The following TRIM33 variants were observed in gnomAD, a reference collection of about 807,000 sequenced individuals.
TRIM33 encodes the protein E3 ubiquitin-protein ligase TRIM33.
Under a neutral mutation model 125.4 loss-of-function variants are expected in TRIM33, and 20 were observed. The ratio of observed to expected loss-of-function variants is 0.16; its 90% CI spans 0.11 to 0.23. The LOEUF (loss-of-function observed/expected upper bound fraction) is 0.23. Ranked by LOEUF, TRIM33 falls within the 10% of genes least tolerant of loss-of-function variation. The pLI is 1.00. For missense variants in TRIM33, 920 were observed against 1,411.4 expected, an observed-to-expected ratio of 0.65 and a Z score of 5.58; for synonymous variants, 564 against 513.9, an observed-to-expected ratio of 1.10 and a Z score of -1.32.
At position 114,421,475 on chromosome 1, in the gene TRIM33, T is replaced by G. The variant is rs1443411802; in HGVS notation, c.2022A>C (p.Pro674=). 6.2e-7 allele frequency: 1 copy of G among 1,614,070 alleles called. No homozygotes were observed. The highest frequency in any genetic ancestry group is 8.5e-7 in the Non-Finnish European group (1 of 1,180,044). Residue 674 remains proline, a synonymous_variant, in exon 11 of 20, where the codon CCA becomes CCC. Transcript: ENST00000358465. ...AIELIPSVTN[P]ENLPSLPDIP... is the part of the protein sequence containing the mutation. Reference sequence around the variant, plus strand: ...TATCTGGCAGCGATGGAAGGTTTTCTGGATTGGTAACTGAGGGGATTAGCT... The same window carrying G: ...TATCTGGCAGCGATGGAAGGTTTTCGGGATTGGTAACTGAGGGGATTAGCT...
intron 1 of TRIM33, among the ~76,000 whole-genome samples, chr1:114,476,048 A>G (rs1214585593): frequency 1.3e-5 from 2 of 152,158 alleles, no homozygotes; most frequent in Non-Finnish European, 2.9e-5. Flanking sequence ...TCATGAAAAC[A>G]TAGAAGTACA....
At chr1:114,410,864 T>C (rs982052184) in intron 11 of TRIM33, among the ~76,000 whole-genome samples, 7 of 152,172 alleles carry the variant, frequency 4.6e-5, no homozygotes, top group African/African-American at 1.7e-4. Flanking sequence ...CCCATAACTA[T>C]GATTCTGGGC....
intron 11 of TRIM33, among the ~76,000 whole-genome samples, chr1:114,420,948 A>G (rs141726292): frequency 4.1e-4 from 63 of 152,352 alleles, no homozygotes; most frequent in Admixed American, 8.5e-4. Context: ...CATTATCCAC[A>G]ATAGCCAAGA....
intron 1 of TRIM33, among the ~76,000 whole-genome samples, chr1:114,478,129 A>G (rs1008256925): frequency 1.4e-4 from 21 of 152,220 alleles, no homozygotes; most frequent in African/African-American, 4.8e-4. Context: ...CACTTATTCT[A>G]CAAAGACTGC....
At position 114,510,733 on chromosome 1, in the gene TRIM33, G is replaced by A; in HGVS notation, c.344C>T (p.Pro115Leu). 1.3e-6 allele frequency: 2 copies of A among 1,530,218 alleles called. No individual in the cohort carries two copies. Among genetic ancestry groups the A allele is most frequent in the South Asian group, 1.2e-5 (1 of 83,350 alleles). The allele number at this position is 1,530,218 out of a possible 1,614,324, so 94.8% of individuals were successfully genotyped here. ...GTCCAGGAGCGAGGCTGGCGGTCCA[G>A]GAGGCGGCCCTGCCGAGGGACCCGG... is the stretch of plus-strand genomic sequence containing the variant. ...PAPGPSAGPP[P>L]GPPASLLDTC... The change falls in exon 1 of 20, where the codon CCT (proline) becomes CTT (leucine). Residue 115 changes from proline (P) to leucine (L), a missense_variant. Physicochemically the swap from Pro to Leu is moderately conservative, Grantham distance 98 (BLOSUM62 -3). Coordinates refer to ENST00000358465, the MANE Select transcript of TRIM33 (RefSeq NM_015906.4).
intron 4 of TRIM33, among the ~76,000 whole-genome samples, chr1:114,436,487 A>G (rs1010920445): frequency 2.0e-5 from 3 of 151,142 alleles, no homozygotes; most frequent in Non-Finnish European, 4.4e-5. Flanking sequence ...TGTTTTTGAG[A>G]CGGAGTCTCG....
chr1:114,504,686 G>A (rs1343032637), intron 1 of TRIM33, among the ~76,000 whole-genome samples: 1 of 152,172 alleles, frequency 6.6e-6, no homozygotes, highest in African/African-American at 2.4e-5. Flanking sequence ...AGGACCCACT[G>A]ACAGCAGAAT....
At chr1:114,418,177 T>C (rs1653052142) in intron 11 of TRIM33, among the ~76,000 whole-genome samples, 1 of 152,054 alleles carries the variant, frequency 6.6e-6, no homozygotes, top group South Asian at 2.1e-4. Flanking sequence ...CACAAGGCAG[T>C]AGGAGAGAGA....
chr1:114,404,809 CTTTTTT>C (rs139859305), intron 15 of TRIM33: 1 of 125,474 alleles, frequency 8.0e-6, no homozygotes, highest in Non-Finnish European at 1.7e-5. Flanking sequence ...GAAGATATAT[CTTTTTT>C]TTTTTTTTTT....
intron 4 of TRIM33, among the ~76,000 whole-genome samples, chr1:114,438,897 A>G (rs1189814472): frequency 3.9e-5 from 6 of 152,226 alleles, no homozygotes; most frequent in Non-Finnish European, 8.8e-5. Context: ...TTAAAGCTCT[A>G]TATGAAGGGG....
chr1:114,408,018 G>A (rs957811356), intron 13 of TRIM33, among the ~76,000 whole-genome samples: 1 of 152,070 alleles, frequency 6.6e-6, no homozygotes, highest in African/African-American at 2.4e-5. Context: ...CCCCAACCAG[G>A]CATAATTCGC....
At chr1:114,450,052 C>T (rs1649219657) in intron 4 of TRIM33, among the ~76,000 whole-genome samples, 1 of 152,178 alleles carries the variant, frequency 6.6e-6, no homozygotes. Context: ...CATGATGAAA[C>T]ATGTCTACAT....
At chr1:114,420,259 T>A in intron 11 of TRIM33, 1 of 473,990 alleles carries the variant, frequency 2.1e-6, no homozygotes, top group South Asian at 1.7e-5. Context: ...CTGTTCTCCA[T>A]CATTTCCCCC....
intron 1 of TRIM33, among the ~76,000 whole-genome samples, chr1:114,501,332 C>T (rs1326160885): frequency 6.6e-6 from 1 of 151,616 alleles, no homozygotes. Context: ...GAGAATCTAC[C>T]TCAAAAGCGG....
chr1:114,446,230 G>A (rs1648970046), intron 4 of TRIM33, among the ~76,000 whole-genome samples: 1 of 152,088 alleles, frequency 6.6e-6, no homozygotes, highest in African/African-American at 2.4e-5. Flanking sequence ...AGAAATGCTG[G>A]AGAATATTCA....
At chr1:114,453,326 T>C (rs1572072380) in intron 4 of TRIM33, among the ~76,000 whole-genome samples, 1 of 149,422 alleles carries the variant, frequency 6.7e-6, no homozygotes, top group Admixed American at 6.7e-5. Flanking sequence ...ATCATGCCAC[T>C]GCACTCCAGC....
chr1:114,412,378 A>G (rs1572021624), intron 11 of TRIM33, among the ~76,000 whole-genome samples: 1 of 152,250 alleles, frequency 6.6e-6, no homozygotes, highest in African/African-American at 2.4e-5. Flanking sequence ...ATGATGTACA[A>G]TAAACTAAAT....
At chr1:114,500,728 T>G (rs1171024702) in intron 1 of TRIM33, among the ~76,000 whole-genome samples, 1 of 150,864 alleles carries the variant, frequency 6.6e-6, no homozygotes, top group Non-Finnish European at 1.5e-5. Flanking sequence ...CTTATTATTA[T>G]AAAGCTACTA....
intron 4 of TRIM33, among the ~76,000 whole-genome samples, chr1:114,454,908 G>C (rs1021444390): frequency 1.3e-5 from 2 of 152,118 alleles, no homozygotes; most frequent in Non-Finnish European, 2.9e-5. Context: ...CTAGGTATGA[G>C]AAAGACAAAA....
Sources: allele counts gnomAD v4.1 joint callset (sites outside exome capture counted in the v4.1 genomes callset), GRCh38; gene constraint gnomAD v4.1.1; transcripts MANE v1.5; gene names NCBI Gene and HGNC (gene_info 2026-07-23, HGNC 2026-07-21).